APTX: variants seen among roughly 807,000 people sequenced by gnomAD.
The protein encoded by APTX is aprataxin.
APTX carries 33 observed loss-of-function variants against 42.3 expected under a neutral mutation model. The ratio of observed to expected loss-of-function variants is 0.78; its 90% CI spans 0.59 to 1.04. APTX has a LOEUF of 1.04. Among genes scored for constraint, APTX ranks in the 50% least tolerant of loss-of-function variants. The pLI, the probability that APTX is intolerant of heterozygous loss-of-function variation, is 0.00. For synonymous variants in APTX, 130 were observed against 146.7 expected, an observed-to-expected ratio of 0.89 and a Z score of 0.82; for missense variants, 421 against 415.1, an observed-to-expected ratio of 1.01 and a Z score of -0.12.
chr9:33,012,155 T>C (rs78837140), intron 1 of APTX, among the ~76,000 whole-genome samples: 540 of 152,326 alleles, frequency 3.5e-3, no homozygotes, highest in African/African-American at 0.012. Flanking sequence ...TAGAATAATA[T>C]TGCTCCTAAA....
Position 32,985,261 on chromosome 9 carries a change from C to T in APTX, c.544-404G>A, listed in dbSNP as rs1297606363. ...GTGGGTTCCAGTGAGCCCTATTAGA[C>T]CTGCCCCTTGTCAACAAGGAATATA... On this transcript the variant is annotated intron_variant, in intron 5 of 7. Transcript: ENST00000379817. 2.0e-5 allele frequency among the ~76,000 whole-genome samples: 3 copies of T among 152,098 alleles called. No homozygotes were observed. The East Asian group carries it at 5.8e-4, about 29-fold the overall frequency.
chr9:33,001,401 G>T lies in APTX; in HGVS notation c.-5+166C>A, dbSNP rs764301575. On this transcript the variant is annotated intron_variant, in intron 1 of 7. Transcript: ENST00000379817. ...ACCAACGCGAGCGCCCGCTGAAACA[G>T]CCCAAGGTAGTAACAGGGGAGGACG... The T allele has an allele frequency of 7.2e-6, 11 of 1,534,472 alleles. No homozygotes were observed. In the Admixed American group the frequency reaches 2.0e-4, roughly 27 times the overall value.
chr9:33,014,911 A>G (rs1837787450), intron 1 of APTX, among the ~76,000 whole-genome samples: 1 of 152,224 alleles, frequency 6.6e-6, no homozygotes, highest in Non-Finnish European at 1.5e-5. Flanking sequence ...TCTGATCTCC[A>G]TTCTAGGAAT....
At chr9:32,992,199 T>C (rs1833809060) in intron 1 of APTX, among the ~76,000 whole-genome samples, 2 of 152,144 alleles carry the variant, frequency 1.3e-5, no homozygotes, top group Admixed American at 6.5e-5. Context: ...GCAGCACATA[T>C]GCCCTCTGCA....
At chr9:33,011,269 T>G (rs1198915996) in intron 1 of APTX, among the ~76,000 whole-genome samples, 1 of 152,078 alleles carries the variant, frequency 6.6e-6, no homozygotes, top group Non-Finnish European at 1.5e-5. Context: ...TTAAAGGATT[T>G]TAATCAGTGG....
upstream of APTX, chr9:33,001,667 G>A (rs79649832): frequency 0.095 from 151,912 of 1,598,998 alleles, 8,111 homozygotes; most frequent in Non-Finnish European, 0.11. Flanking sequence ...CGCGACCAGT[G>A]ACGTCACCAG....
intron 6 of APTX, chr9:32,979,610 C>A: frequency 6.4e-6 from 1 of 156,768 alleles, no homozygotes; most frequent in South Asian, 1.8e-4. Context: ...TGTTATCAGT[C>A]CATCAGCACT....
intron 1 of APTX, among the ~76,000 whole-genome samples, chr9:32,991,410 G>A (rs1188748762): frequency 6.6e-6 from 1 of 152,202 alleles, no homozygotes. Context: ...AAGCAAAGGG[G>A]ATGGAGAGCA....
At chr9:33,018,529 T>C (rs10971330) in intron 1 of APTX, among the ~76,000 whole-genome samples, 5,456 of 142,752 alleles carry the variant, frequency 0.038, 129 homozygotes, top group East Asian at 0.11. Flanking sequence ...GATTGTGCCA[T>C]TGCACTCCAG....
chr9:32,973,427 GCAA>G lies in APTX; in HGVS notation c.*68_*70del. The stretch of plus-strand genomic sequence containing the variant: ...TTAGGAAATGAGTAGAAGTTCACAA[GCAA>G]CCCAGAATAGGTGCCAGCAGTTTGC... On this transcript the variant is annotated 3_prime_UTR_variant, in exon 8 of 8. Coordinates refer to ENST00000379817, the MANE Select transcript of APTX (RefSeq NM_001195248.2). The G allele has an allele frequency of 6.5e-7, 1 of 1,547,026 alleles. No individual in the cohort carries two copies. The highest frequency in any genetic ancestry group is 8.9e-7 in the Non-Finnish European group (1 of 1,121,528).
intron 1 of APTX, 51 bp from the exon 2 acceptor site, chr9:32,989,946 G>A: frequency 6.3e-7 from 1 of 1,580,212 alleles, no homozygotes; most frequent in Non-Finnish European, 8.6e-7. Flanking sequence ...ACTAGCACGA[G>A]TCCTCCAGGG....
intron 1 of APTX, among the ~76,000 whole-genome samples, chr9:32,995,683 C>G (rs1023662099): frequency 1.3e-5 from 2 of 151,988 alleles, no homozygotes; most frequent in Non-Finnish European, 2.9e-5. Context: ...GTCAGGAGAT[C>G]GAGACCATCC....
chr9:33,016,625 T>C (rs1053480813), intron 1 of APTX, among the ~76,000 whole-genome samples: 1 of 152,040 alleles, frequency 6.6e-6, no homozygotes, highest in Non-Finnish European at 1.5e-5. Flanking sequence ...TTGAGGAAAA[T>C]TGTGGACTTT....
In APTX at chr9:32,973,375, A is replaced by G; in HGVS notation, c.*123T>C. 2.6e-6 allele frequency: 3 copies of G among 1,169,974 alleles called. No homozygotes were observed. Among genetic ancestry groups the G allele is most frequent in the Non-Finnish European group, 3.8e-6 (3 of 788,094 alleles). The allele number at this position is 1,169,974 out of a possible 1,614,324, so 72.5% of individuals were successfully genotyped here. On this transcript the variant is annotated 3_prime_UTR_variant, in exon 8 of 8. Coordinates refer to ENST00000379817, the MANE Select transcript of APTX (RefSeq NM_001195248.2). ...TTGTGGCCACTCAATAATAGAATAA[A>G]TTTGTGAAAAAGCTGCATGTTTTAA...
chr9:32,973,704 G>T, intron 7 of APTX, 52 bp from the exon 8 acceptor site: 5 of 1,488,694 alleles, frequency 3.4e-6, no homozygotes, highest in South Asian at 1.2e-5. Flanking sequence ...AAACCAATAT[G>T]AGATACCAAA....
chr9:33,017,273 C>T (rs1289941131), intron 1 of APTX, among the ~76,000 whole-genome samples: 1 of 152,178 alleles, frequency 6.6e-6, no homozygotes, highest in African/African-American at 2.4e-5. Flanking sequence ...GGCTATGAAT[C>T]GGGGTGTCTT....
At chr9:32,987,464 C>G in intron 4 of APTX, 80 bp downstream of exon 4, 1 of 1,577,944 alleles carries the variant, frequency 6.3e-7, no homozygotes, top group Non-Finnish European at 8.7e-7. Context: ...CATTTCTGAA[C>G]TTTAAAGTGT....
rs541371754 is a variant in APTX at position 32,988,596 on chromosome 9, C to T, written c.134-467G>A. On this transcript the variant is annotated intron_variant, in intron 2 of 7. Coordinates refer to ENST00000379817, the MANE Select transcript of APTX (RefSeq NM_001195248.2). ...TTGGGAGACTGAGGTGGGAGAATCA[C>T]TTGAGCCCCAGGAGGTGGAGGTTGC... is the stretch of plus-strand genomic sequence containing the variant. Among the ~76,000 whole-genome samples the T allele has an allele frequency of 2.1e-5, 3 of 144,022 alleles. No individual in the cohort carries two copies. In the Admixed American group the frequency reaches 2.2e-4, roughly 11 times the overall value. The allele number at this position is 144,022 out of a possible 152,430, so 94.5% of individuals were successfully genotyped here.
intron 5 of APTX, among the ~76,000 whole-genome samples, 168 bp downstream of exon 5, chr9:32,985,803 G>C (rs1006272487): frequency 6.6e-6 from 1 of 152,136 alleles, no homozygotes; most frequent in Non-Finnish European, 1.5e-5. Flanking sequence ...AATGACAGCT[G>C]CTACTTTATT....
Sources: gnomAD v4.1 joint callset for allele counts (sites outside exome capture counted in the v4.1 genomes callset) on GRCh38, gnomAD v4.1.1 for gene constraint, MANE v1.5 for transcripts, NCBI Gene and HGNC (gene_info 2026-07-23, HGNC 2026-07-21) for gene names.